The following UBE3C variants were observed in gnomAD, a reference collection of about 807,000 sequenced individuals.
UBE3C encodes ubiquitin protein ligase E3C.
In UBE3C, 42 loss-of-function variants were observed where a neutral mutation model predicts 129.4. The observed-to-expected ratio is 0.32, with a 90% CI of 0.25 to 0.42. The LOEUF (loss-of-function observed/expected upper bound fraction) is 0.42. Ranked by LOEUF, UBE3C falls within the 10% of genes least tolerant of loss-of-function variation. The pLI is 1.00. For missense variants in UBE3C, 1,049 were observed against 1,319.1 expected (o/e 0.80, Z 3.17); for synonymous variants, 510 against 492.4 (o/e 1.04, Z -0.47).
At chr7:157,192,626 C>G (rs1366856900) in intron 10 of UBE3C, 1 of 765,328 alleles carries the variant, frequency 1.3e-6, no homozygotes, top group African/African-American at 1.7e-5. Flanking sequence ...ACCCCACTCC[C>G]AAGAAGAATA....
At chr7:157,260,940 A>G (rs907272717) in intron 22 of UBE3C, among the ~76,000 whole-genome samples, 1 of 152,164 alleles carries the variant, frequency 6.6e-6, no homozygotes, top group Non-Finnish European at 1.5e-5. Flanking sequence ...GTGCATGGCC[A>G]CTTGTGCTGC....
intron 1 of UBE3C, 28 bp downstream of exon 1, chr7:157,139,366 C>G: frequency 6.5e-7 from 1 of 1,548,556 alleles, no homozygotes; most frequent in South Asian, 1.2e-5. Flanking sequence ...GGGGCGCCCT[C>G]GGCTCGGGGC....
At chr7:157,166,732 CA>C (rs35054342) in intron 2 of UBE3C, among the ~76,000 whole-genome samples, 46,137 of 113,396 alleles carry the variant, frequency 0.41, 8,181 homozygotes, top group African/African-American at 0.55. Flanking sequence ...AACTCCGTCT[CA>C]AAAAAAAAAA....
intron 16 of UBE3C, among the ~76,000 whole-genome samples, chr7:157,223,923 G>T (rs1795804493): frequency 1.3e-5 from 2 of 152,274 alleles, no homozygotes; most frequent in Admixed American, 1.3e-4. Context: ...CTATCTCAAA[G>T]GGGGGAAGAA....
At chr7:157,248,023 C>CT (rs1230349170) in intron 18 of UBE3C, among the ~76,000 whole-genome samples, 6 of 152,198 alleles carry the variant, frequency 3.9e-5, no homozygotes, top group African/African-American at 1.4e-4. Context: ...CCTTGGGAGA[C>CT]TAACAAACCT....
chr7:157,176,421 C>T (rs1160362231), intron 5 of UBE3C, among the ~76,000 whole-genome samples: 4 of 152,144 alleles, frequency 2.6e-5, no homozygotes, highest in East Asian at 1.9e-4. Flanking sequence ...ACCACAGGCA[C>T]GTGCCACCAC....
At chr7:157,256,818 G>T in intron 21 of UBE3C, 96 bp from the exon 22 acceptor site, 1 of 1,512,512 alleles carries the variant, frequency 6.6e-7, no homozygotes, top group South Asian at 1.3e-5. Context: ...AGGATCCATG[G>T]ACTTTAGTTT....
intron 16 of UBE3C, among the ~76,000 whole-genome samples, chr7:157,224,960 A>C (rs528259910): frequency 4.6e-5 from 7 of 152,192 alleles, no homozygotes; most frequent in Non-Finnish European, 1.0e-4. Context: ...TCACTACCTA[A>C]GTTTTTATAA....
At chr7:157,210,614 C>T (rs1375588221) in intron 13 of UBE3C, among the ~76,000 whole-genome samples, 3 of 152,188 alleles carry the variant, frequency 2.0e-5, no homozygotes, top group Admixed American at 6.5e-5. Context: ...CTACACTCCC[C>T]TTCTGAAAAG....
intron 13 of UBE3C, among the ~76,000 whole-genome samples, chr7:157,215,265 A>G (rs1809703023): frequency 6.6e-6 from 1 of 152,010 alleles, no homozygotes; most frequent in Non-Finnish European, 1.5e-5. Context: ...TGAGATATCA[A>G]CCCAAGTACC....
Position 157,183,914 on chromosome 7 carries a change from G to A in UBE3C, c.1028G>A (p.Arg343Gln). The change falls in exon 9 of 23, where the codon CGG becomes CAG. Residue 343 changes from arginine (R) to glutamine (Q), a missense_variant. Transcript: ENST00000348165. Reference sequence around the variant, plus strand: ...GAGGAAGGGCTGCTGGTGTATTTGCGGGTGCTGCAGACCTTCCTCTCTCAG... The same window carrying A: ...GAGGAAGGGCTGCTGGTGTATTTGCAGGTGCTGCAGACCTTCCTCTCTCAG... ...LSEEGLLVYL[R>Q]VLQTFLSQLP... 1.9e-6 allele frequency: 3 copies of A among 1,614,112 alleles called. No individual in the cohort carries two copies. The highest frequency in any genetic ancestry group is 1.7e-6 in the Non-Finnish European group (2 of 1,180,010).
At chr7:157,256,849 C>A in intron 21 of UBE3C, 65 bp from the exon 22 acceptor site, 1 of 1,598,182 alleles carries the variant, frequency 6.3e-7, no homozygotes, top group South Asian at 1.1e-5. Context: ...CTGGACCAAT[C>A]CCTGTGGGTC....
chr7:157,254,243 G>T lies in UBE3C; in HGVS notation c.2884-1G>T. The T allele has an allele frequency of 6.2e-7, 1 of 1,612,582 alleles. No homozygotes were observed. The highest frequency in any genetic ancestry group is 8.5e-7 in the Non-Finnish European group (1 of 1,179,590). On this transcript the variant is annotated splice_acceptor_variant, in intron 20 of 22. Transcript: ENST00000348165. LOFTEE classifies it high-confidence loss of function. ...GTTATTATTTGAACTTTTTTCCTTA[G>T]GTATTAATTTCTGGTGCACAAGTTC...
intron 18 of UBE3C, 67 bp downstream of exon 18, chr7:157,231,394 G>C: frequency 6.4e-7 from 1 of 1,573,838 alleles, no homozygotes; most frequent in Non-Finnish European, 8.6e-7. Context: ...GTTTATGTGT[G>C]GTTGTTATCC....
intron 22 of UBE3C, among the ~76,000 whole-genome samples, chr7:157,260,804 G>A (rs542062447): frequency 6.6e-6 from 1 of 152,276 alleles, no homozygotes; most frequent in South Asian, 2.1e-4. Context: ...CATGTGAGTA[G>A]CAATAAAAAT....
intron 22 of UBE3C, among the ~76,000 whole-genome samples, chr7:157,257,764 T>A (rs990995839): frequency 4.4e-5 from 4 of 90,976 alleles, no homozygotes; most frequent in Admixed American, 2.2e-4. Context: ...AAAAAAAAAA[T>A]TGCCTCAGGA....
rs368130387 is a variant in UBE3C at position 157,146,398 on chromosome 7, C to A, written c.66+7060C>A. ...AGGTGTGCACCACCACACCTGGCTA[C>A]TCTAGTACAGACGGGGGTTTCACCA... On this transcript the variant is annotated intron_variant, in intron 1 of 22. Transcript: ENST00000348165. Among the ~76,000 whole-genome samples, 6 of 132,104 alleles carry A rather than the reference C, an allele frequency of 4.5e-5. No individual in the cohort carries two copies. The East Asian group carries it at 1.1e-3, about 24-fold the overall frequency. The allele number at this position is 132,104 out of a possible 152,430, so 86.7% of individuals were successfully genotyped here. A position where few individuals can be genotyped will look rare whatever the true frequency, so the allele number is the denominator to read the frequency against.
intron 4 of UBE3C, 46 bp from the exon 5 acceptor site, chr7:157,174,873 T>A: frequency 6.8e-7 from 1 of 1,462,556 alleles, no homozygotes; most frequent in Non-Finnish European, 9.3e-7. Context: ...TAGCAAACTA[T>A]TAAATTTTCA....
chr7:157,261,526 A>G (rs1796915175), intron 22 of UBE3C, among the ~76,000 whole-genome samples: 1 of 152,158 alleles, frequency 6.6e-6, no homozygotes, highest in Admixed American at 6.5e-5. Flanking sequence ...TGAAGTTGTT[A>G]TATGTTAGAC....
Sources: allele counts gnomAD v4.1 joint callset (sites outside exome capture counted in the v4.1 genomes callset), GRCh38; gene constraint gnomAD v4.1.1; transcripts MANE v1.5; gene names NCBI Gene and HGNC (gene_info 2026-07-23, HGNC 2026-07-21).